Variants in NDUFA10 observed in about 807,000 individuals in gnomAD.
NDUFA10 encodes NADH dehydrogenase [ubiquinone] 1 alpha subcomplex subunit 10, mitochondrial.
Under a neutral mutation model 47.8 loss-of-function variants are expected in NDUFA10, and 40 were observed. The observed-to-expected ratio is 0.84, with a 90% CI of 0.65 to 1.09. The LOEUF (loss-of-function observed/expected upper bound fraction) is 1.09, where lower values mean the gene tolerates loss of function less well. NDUFA10 is among the 50% of genes least tolerant of loss of function. The pLI, the probability that NDUFA10 is intolerant of heterozygous loss-of-function variation, is 0.00. For missense variants in NDUFA10, 413 were observed against 451.1 expected (o/e 0.92, Z 0.76); for synonymous variants, 183 against 172.2 (o/e 1.06, Z -0.49).
chr2:240,019,557 G>A lies in NDUFA10; in HGVS notation c.461-918C>T, dbSNP rs1335577804. Among the ~76,000 whole-genome samples, 5 of 99,126 alleles carry A rather than the reference G, an allele frequency of 5.0e-5. 1 individual carries two copies. The highest frequency in any genetic ancestry group is 1.5e-4 in the African/African-American group (4 of 26,572). The allele number at this position is 99,126 out of a possible 152,430, so 65.0% of individuals were successfully genotyped here. The stretch of plus-strand genomic sequence containing the variant: ...GTGGAGGCCGGGCGCGGTGGCTCAC[G>A]CCTGTAATCCCAGCACTTTGGGAGG... On this transcript the variant is annotated intron_variant, in intron 3 of 9. Coordinates refer to ENST00000252711, the MANE Select transcript of NDUFA10 (RefSeq NM_004544.4).
At chr2:239,930,214 T>C (rs1434907754) in intron 4 of NDUFA10, among the ~76,000 whole-genome samples, 3 of 151,578 alleles carry the variant, frequency 2.0e-5, no homozygotes, top group East Asian at 2.0e-4. Context: ...CCACTGCCCC[T>C]GCTCCTCAGC....
chr2:239,922,531 A>G (rs1444256388), intron 4 of NDUFA10, among the ~76,000 whole-genome samples: 2 of 152,212 alleles, frequency 1.3e-5, no homozygotes, highest in Non-Finnish European at 2.9e-5. Flanking sequence ...GTGTTCCTCT[A>G]GACAGTACAA....
chr2:239,977,920 A>C (rs1331404399), intron 9 of NDUFA10, among the ~76,000 whole-genome samples: 3 of 152,144 alleles, frequency 2.0e-5, no homozygotes, highest in African/African-American at 7.2e-5. Flanking sequence ...AATCCAACAG[A>C]GTGTCTCCCC....
At chr2:239,978,408 C>T (rs1695619408) in intron 9 of NDUFA10, among the ~76,000 whole-genome samples, 1 of 152,228 alleles carries the variant, frequency 6.6e-6, no homozygotes, top group East Asian at 1.9e-4. Flanking sequence ...GACACTGAAG[C>T]TCCTCTACAG....
At chr2:239,940,525 A>C (rs1311319502) in intron 4 of NDUFA10, among the ~76,000 whole-genome samples, 2 of 152,238 alleles carry the variant, frequency 1.3e-5, no homozygotes, top group African/African-American at 4.8e-5. Flanking sequence ...TTCTTTGATA[A>C]ATTTCTCCAA....
chr2:240,010,235 A>C (rs1697088845), intron 6 of NDUFA10, among the ~76,000 whole-genome samples: 1 of 152,204 alleles, frequency 6.6e-6, no homozygotes, highest in South Asian at 2.1e-4. Flanking sequence ...CTACTTTAAC[A>C]ATGAACAGAG....
intron 5 of NDUFA10, chr2:239,892,792 G>A (rs1693318520): frequency 6.6e-6 from 1 of 152,302 alleles, no homozygotes; most frequent in African/African-American, 2.4e-5. Flanking sequence ...CCAATGCCAT[G>A]GTGGAGACCA....
chr2:239,900,995 C>A (rs1693534653), intron 4 of NDUFA10, among the ~76,000 whole-genome samples: 1 of 152,206 alleles, frequency 6.6e-6, no homozygotes, highest in East Asian at 1.9e-4. Flanking sequence ...AAACAACAGA[C>A]TTTCAATGTA....
chr2:239,998,851 A>G (rs1041234797), intron 8 of NDUFA10, among the ~76,000 whole-genome samples: 7 of 152,220 alleles, frequency 4.6e-5, no homozygotes, highest in Admixed American at 6.5e-5. Flanking sequence ...ATTTCTCCAG[A>G]GTCCAACATG....
chr2:239,896,070 G>A (rs1693390191), intron 4 of NDUFA10, among the ~76,000 whole-genome samples: 1 of 152,240 alleles, frequency 6.6e-6, no homozygotes, highest in Non-Finnish European at 1.5e-5. Flanking sequence ...TCATGTGGAA[G>A]GTGTGGCTTT....
At chr2:240,006,504 T>A (rs1001336753) in intron 7 of NDUFA10, among the ~76,000 whole-genome samples, 2 of 152,246 alleles carry the variant, frequency 1.3e-5, no homozygotes, top group Non-Finnish European at 2.9e-5. Context: ...GCTTCTCTGT[T>A]ACACGGGCAC....
At chr2:239,920,607 C>G (rs552153649) in intron 4 of NDUFA10, among the ~76,000 whole-genome samples, 23 of 152,330 alleles carry the variant, frequency 1.5e-4, no homozygotes, top group Admixed American at 1.1e-3. Context: ...GTCTCCGTCT[C>G]CTTAACTTCC....
rs1696054373 is a variant in NDUFA10, at chr2:239,987,676, A to C, written c.999+2398T>G. On this transcript the variant is annotated intron_variant, in intron 9 of 9. Coordinates refer to ENST00000252711, the MANE Select transcript of NDUFA10 (RefSeq NM_004544.4). The surrounding 1 kb of genome is among the most constrained non-coding windows in gnomAD (Gnocchi z 4.8). The stretch of plus-strand genomic sequence containing the variant: ...TATTAGCAAAAAATTCTTCAGGCAG[A>C]AGGCCAAGGATGCTACATGCAGGCG... Among the ~76,000 whole-genome samples, 2 of 152,252 alleles carry C rather than the reference A, an allele frequency of 1.3e-5. No homozygotes were observed. The highest frequency in any genetic ancestry group is 4.8e-5 in the African/African-American group (2 of 41,472).
intron 4 of NDUFA10, among the ~76,000 whole-genome samples, chr2:239,951,494 C>A (rs948406399): frequency 3.9e-5 from 6 of 152,190 alleles, no homozygotes; most frequent in African/African-American, 1.4e-4. Flanking sequence ...CCGTGCTGGG[C>A]AGCCGTGTCC....
At chr2:239,964,124 G>A (rs1427623683) in intron 9 of NDUFA10, among the ~76,000 whole-genome samples, 3 of 152,160 alleles carry the variant, frequency 2.0e-5, no homozygotes, top group African/African-American at 7.2e-5. Flanking sequence ...ATCAAGAAGT[G>A]GTGGAGATCT....
intron 9 of NDUFA10, chr2:239,983,506 A>G (rs1299064696): frequency 6.3e-7 from 1 of 1,594,134 alleles, no homozygotes; most frequent in African/African-American, 1.3e-5. Context: ...AAACAGTCAG[A>G]CAATTCTTAC....
intron 8 of NDUFA10, 123 bp downstream of exon 8, chr2:240,005,087 C>G: frequency 2.4e-6 from 2 of 850,138 alleles, no homozygotes; most frequent in South Asian, 2.7e-5. Context: ...AAAAATACCT[C>G]TAAGTATTGG....
chr2:239,949,831 C>G (rs1401021373), intron 4 of NDUFA10, among the ~76,000 whole-genome samples: 1 of 152,136 alleles, frequency 6.6e-6, no homozygotes, highest in African/African-American at 2.4e-5. Flanking sequence ...GGAACTTGCA[C>G]CACTGGCTCT....
At chr2:239,947,735 A>C (rs1486417304) in intron 4 of NDUFA10, among the ~76,000 whole-genome samples, 1 of 152,236 alleles carries the variant, frequency 6.6e-6, no homozygotes, top group Non-Finnish European at 1.5e-5. Context: ...GCAACAGGCC[A>C]GCCCAGCTCT....
Sources: allele counts gnomAD v4.1 joint callset (sites outside exome capture counted in the v4.1 genomes callset), GRCh38; gene constraint gnomAD v4.1.1; non-coding constraint Gnocchi (gnomAD v3.1); transcripts MANE v1.5; gene names NCBI Gene and HGNC (gene_info 2026-07-23, HGNC 2026-07-21).